Variants in WDR72 observed in about 807,000 individuals in gnomAD.
WDR72 encodes the protein WD repeat domain 72, also known as WD repeat-containing protein 72.
A neutral mutation model predicts 124.2 loss-of-function variants in WDR72; 120 were observed. The observed-to-expected ratio is 0.97, with a 90% CI of 0.83 to 1.12. WDR72 has a LOEUF of 1.12. Among genes scored for constraint, WDR72 ranks in the 50% most tolerant of loss-of-function variants. The pLI, the probability that WDR72 is intolerant of heterozygous loss-of-function variation, is 0.00. For missense variants in WDR72, 1,387 were observed against 1,278.8 expected (o/e 1.08, Z -1.29); for synonymous variants, 452 against 441.7 (o/e 1.02, Z -0.29).
At chr15:53,674,642 TA>T (rs1178634370) in intron 13 of WDR72, among the ~76,000 whole-genome samples, 1 of 152,206 alleles carries the variant, frequency 6.6e-6, no homozygotes, top group Non-Finnish European at 1.5e-5. Context: ...GTTGATATAA[TA>T]AATTCAGCTA....
intron 14 of WDR72, among the ~76,000 whole-genome samples, chr15:53,626,709 T>C (rs997222320): frequency 6.6e-6 from 1 of 152,190 alleles, no homozygotes; most frequent in African/African-American, 2.4e-5. Flanking sequence ...TGTTGCCTAA[T>C]TAGCATTTTA....
chr15:53,674,846 G>A (rs1157588471), intron 13 of WDR72, among the ~76,000 whole-genome samples: 2 of 151,966 alleles, frequency 1.3e-5, no homozygotes, highest in Non-Finnish European at 2.9e-5. Flanking sequence ...AGCAATGCTG[G>A]GATTTATCAG....
At chr15:53,651,019 T>G (rs1431563802) in intron 14 of WDR72, among the ~76,000 whole-genome samples, 1 of 151,656 alleles carries the variant, frequency 6.6e-6, no homozygotes, top group Non-Finnish European at 1.5e-5. Flanking sequence ...AAGTCAAGCT[T>G]CTTACTTTGG....
intron 18 of WDR72, among the ~76,000 whole-genome samples, chr15:53,543,291 T>A (rs1209768535): frequency 1.3e-5 from 2 of 151,010 alleles, no homozygotes; most frequent in Non-Finnish European, 3.0e-5. Flanking sequence ...TATAACAAAC[T>A]ATCTCTCAGA....
chr15:53,632,597 T>A (rs2014473782), intron 14 of WDR72, among the ~76,000 whole-genome samples: 1 of 152,166 alleles, frequency 6.6e-6, no homozygotes, highest in Non-Finnish European at 1.5e-5. Flanking sequence ...GTAGCTTGCA[T>A]CCTCAGCCTG....
intron 1 of WDR72, among the ~76,000 whole-genome samples, chr15:53,754,947 T>C (rs1354659612): frequency 6.6e-6 from 1 of 152,232 alleles, no homozygotes; most frequent in Non-Finnish European, 1.5e-5. Flanking sequence ...ATCAAAAGAC[T>C]CTATCTTGGC....
At position 53,665,676 on chromosome 15, in the gene WDR72, C is replaced by T; in HGVS notation, c.1858G>A (p.Ala620Thr). The T allele has an allele frequency of 6.2e-7, 1 of 1,613,890 alleles. No homozygotes were observed. Among genetic ancestry groups the T allele is most frequent in the Non-Finnish European group, 8.5e-7 (1 of 1,179,884 alleles). ...SQLVKSVLPI[A>T]SETLKHKSIE... ...CTTTTGTGCTTAAGTGTCTCTGAGGCAATGGGAAGTACAGACTTCACAAGC... is the reference window on the plus strand; with the variant it reads ...CTTTTGTGCTTAAGTGTCTCTGAGGTAATGGGAAGTACAGACTTCACAAGC... The change falls in exon 14 of 20, where the codon GCC becomes ACC. Residue 620 changes from alanine (A) to threonine (T), a missense_variant. Ala to Thr is a moderately conservative substitution (Grantham distance 58). Transcript: ENST00000360509.
intron 18 of WDR72, among the ~76,000 whole-genome samples, chr15:53,556,068 A>C (rs1893920862): frequency 1.3e-5 from 2 of 152,138 alleles, no homozygotes; most frequent in Admixed American, 1.3e-4. Context: ...TTGGATGACA[A>C]TGTATTCCAT....
intron 9 of WDR72, among the ~76,000 whole-genome samples, chr15:53,706,927 C>T (rs987066806): frequency 3.3e-5 from 5 of 152,010 alleles, no homozygotes; most frequent in African/African-American, 1.2e-4. Flanking sequence ...TGGGCACCAG[C>T]GTTTTTAAAG....
At chr15:53,654,518 A>G (rs2015348658) in intron 14 of WDR72, among the ~76,000 whole-genome samples, 1 of 152,232 alleles carries the variant, frequency 6.6e-6, no homozygotes, top group Non-Finnish European at 1.5e-5. Flanking sequence ...TGGACGTAGA[A>G]CATTAGATGA....
chr15:53,659,574 A>G (rs1406614676), intron 14 of WDR72, among the ~76,000 whole-genome samples: 3 of 152,122 alleles, frequency 2.0e-5, no homozygotes, highest in Non-Finnish European at 1.5e-5. Context: ...CTTCTAAATT[A>G]GTTTTGAAAC....
At chr15:53,688,292 A>T (rs1277711807) in intron 13 of WDR72, among the ~76,000 whole-genome samples, 2 of 148,942 alleles carry the variant, frequency 1.3e-5, no homozygotes, top group Non-Finnish European at 3.0e-5. Flanking sequence ...TGCAGACGAC[A>T]TGATTGTATA....
chr15:53,623,221 C>CAGG (rs2014072528), intron 14 of WDR72, among the ~76,000 whole-genome samples: 1 of 152,000 alleles, frequency 6.6e-6, no homozygotes, highest in African/African-American at 2.4e-5. Flanking sequence ...CACCCAGGTA[C>CAGG]TGAGCATAGT....
At position 53,757,977 on chromosome 15, in the gene WDR72, T is replaced by TTCTCTCTCTC. The variant is rs5812712; in HGVS notation, c.-13+1646_-13+1655dup. On this transcript the variant is annotated intron_variant, in intron 1 of 19. Transcript: ENST00000360509. ...ACAGGGAGAAACTTAAGAGTTTATT[T>TTCTCTCTCTC]TCTCTCTCTCTCTCTCTCTCTCTCT... is the stretch of plus-strand genomic sequence containing the variant. Among the ~76,000 whole-genome samples the TTCTCTCTCTC allele has an allele frequency of 9.3e-4, 139 of 148,772 alleles. 1 individual carries two copies. Among genetic ancestry groups the TTCTCTCTCTC allele is most frequent in the African/African-American group, 3.3e-3 (131 of 40,192 alleles).
chr15:53,656,342 A>C (rs546211389), intron 14 of WDR72, among the ~76,000 whole-genome samples: 1 of 152,330 alleles, frequency 6.6e-6, no homozygotes, highest in Non-Finnish European at 1.5e-5. Flanking sequence ...ATTCAGAAAA[A>C]TGGGCAAGAA....
At chr15:53,521,921 G>GACTC (rs1171702481) in intron 19 of WDR72, among the ~76,000 whole-genome samples, 1 of 152,004 alleles carries the variant, frequency 6.6e-6, no homozygotes, top group African/African-American at 2.4e-5. Flanking sequence ...TTTAGAGTGA[G>GACTC]ACTCATCTAC....
intron 13 of WDR72, among the ~76,000 whole-genome samples, chr15:53,686,919 A>G (rs901644301): frequency 2.6e-5 from 4 of 151,808 alleles, no homozygotes; most frequent in Non-Finnish European, 4.4e-5. Flanking sequence ...ACTCAAAACC[A>G]CTCAAATACA....
chr15:53,725,943 T>C (rs2018010688), intron 2 of WDR72, among the ~76,000 whole-genome samples: 3 of 151,784 alleles, frequency 2.0e-5, no homozygotes, highest in South Asian at 4.2e-4. Flanking sequence ...AGTGGTAGTA[T>C]GTGCCTTAAT....
At chr15:53,573,761 G>A (rs1428901193) in intron 18 of WDR72, among the ~76,000 whole-genome samples, 1 of 152,202 alleles carries the variant, frequency 6.6e-6, no homozygotes, top group African/African-American at 2.4e-5. Context: ...GGCCAGGCTG[G>A]TCTTGAACTT....
Sources: allele counts gnomAD v4.1 joint callset (sites outside exome capture counted in the v4.1 genomes callset), GRCh38; gene constraint gnomAD v4.1.1; transcripts MANE v1.5; gene names NCBI Gene and HGNC (gene_info 2026-07-23, HGNC 2026-07-21).